LMBR1L: variants seen among roughly 807,000 people sequenced by gnomAD.
LMBR1L encodes limb development membrane protein 1 like.
A neutral mutation model predicts 67.3 loss-of-function variants in LMBR1L; 47 were observed. The observed-to-expected ratio is 0.70, with a 90% CI of 0.55 to 0.89. The LOEUF is 0.89. Ranked by LOEUF, LMBR1L falls within the 40% of genes least tolerant of loss-of-function variation. The pLI is 0.00. For missense variants in LMBR1L, 533 were observed against 599.2 expected, an observed-to-expected ratio of 0.89 and a Z score of 1.15; for synonymous variants, 247 against 250.3, an observed-to-expected ratio of 0.99 and a Z score of 0.13.
chr12:49,101,521 T>C lies in LMBR1L; in HGVS notation c.959A>G (p.His320Arg). 6.2e-7 allele frequency: 1 copy of C among 1,613,886 alleles called. No homozygotes were observed. Among genetic ancestry groups the C allele is most frequent in the Non-Finnish European group, 8.5e-7 (1 of 1,179,906 alleles). The change falls in exon 12 of 17, where the codon CAC becomes CGC. Residue 320 changes from histidine (H) to arginine (R), a missense_variant. Transcript: ENST00000267102. ...TGLSVLIVAI[H>R]ILELLIDEAA... ...CTCATCGATGAGCAGCTCCAGGATG[T>C]GGATGGCCACAATGAGCACAGACAG...
rs998971408 is a variant in LMBR1L at position 49,103,680 on chromosome 12, C to T, written c.562+7G>A. On this transcript the variant is annotated splice_region_variant and intron_variant, in intron 6 of 16. Coordinates refer to ENST00000267102, the MANE Select transcript of LMBR1L (RefSeq NM_018113.4). ...CCATGCAGCCTGGAGGAAGCTGGGC[C>T]GCTCACCATAGAGTGACTCTCTGTT... 6 of 1,609,272 alleles carry T rather than the reference C, an allele frequency of 3.7e-6. No homozygotes were observed. The highest frequency in any genetic ancestry group is 2.2e-5 in the South Asian group (2 of 90,408).
At chr12:49,109,818 T>C (rs1565603938) in intron 1 of LMBR1L, 1 of 445,128 alleles carries the variant, frequency 2.2e-6, no homozygotes, top group Non-Finnish European at 4.5e-6. Flanking sequence ...AGGTACCCTC[T>C]GAAGCCCTGG....
intron 2 of LMBR1L, 133 bp from the exon 3 acceptor site, chr12:49,106,090 G>A: frequency 2.9e-6 from 2 of 698,602 alleles, no homozygotes; most frequent in Non-Finnish European, 2.4e-6. Flanking sequence ...GGAGGCTCCA[G>A]GAGACCACAC....
chr12:49,108,838 A>G (rs961160604), intron 1 of LMBR1L, among the ~76,000 whole-genome samples: 1 of 152,216 alleles, frequency 6.6e-6, no homozygotes, highest in African/African-American at 2.4e-5. Context: ...TGGGTCTTCC[A>G]GTCTCCAGAA....
At chr12:49,106,584 G>A (rs986415092) in intron 2 of LMBR1L, 1 of 1,319,276 alleles carries the variant, frequency 7.6e-7, no homozygotes, top group Non-Finnish European at 1.0e-6. Context: ...GGTCCTGGCT[G>A]TGGAAGCACT....
At position 49,097,995 on chromosome 12, in the gene LMBR1L, G is replaced by A. The variant is rs1939615044; in HGVS notation, c.1351C>T (p.Leu451=). ...AAFAGLTTLC[L]VKTFTAAVRA... ...ACAGCTGCAGTGAAGGTCTTCACCA[G>A]ACAGAGTGTGGTGAGGCCTGCAAAG... The change falls in exon 16 of 17, where the codon CTG becomes TTG. Residue 451 remains leucine, a synonymous_variant. Transcript: ENST00000267102. The A allele has an allele frequency of 6.2e-7, 1 of 1,614,136 alleles. No homozygotes were observed.
In LMBR1L at chr12:49,103,674, C is replaced by T; in HGVS notation, c.562+13G>A. On this transcript the variant is annotated intron_variant, in intron 6 of 16. Coordinates refer to ENST00000267102, the MANE Select transcript of LMBR1L (RefSeq NM_018113.4). Reference sequence around the variant, plus strand: ...GAAAAGCCATGCAGCCTGGAGGAAGCTGGGCCGCTCACCATAGAGTGACTC... The same window carrying T: ...GAAAAGCCATGCAGCCTGGAGGAAGTTGGGCCGCTCACCATAGAGTGACTC... 1.2e-6 allele frequency: 2 copies of T among 1,607,250 alleles called. No individual in the cohort carries two copies. The highest frequency in any genetic ancestry group is 1.7e-6 in the Non-Finnish European group (2 of 1,176,654).
At chr12:49,109,036 T>G (rs1293135049) in intron 1 of LMBR1L, among the ~76,000 whole-genome samples, 1 of 152,084 alleles carries the variant, frequency 6.6e-6, no homozygotes, top group Non-Finnish European at 1.5e-5. Flanking sequence ...TGGGCTTGCG[T>G]AATAGCCAGG....
Position 49,106,798 on chromosome 12 carries a change from C to T in LMBR1L, c.157+163G>A, listed in dbSNP as rs1406918426. 9 of 827,664 alleles carry T rather than the reference C, an allele frequency of 1.1e-5. No homozygotes were observed. The East Asian group carries it at 2.1e-4, about 19-fold the overall frequency. 51.3% of individuals were successfully genotyped at this position (827,664 alleles called of 1,614,324 possible). On this transcript the variant is annotated intron_variant, in intron 2 of 16. Coordinates refer to ENST00000267102, the MANE Select transcript of LMBR1L (RefSeq NM_018113.4). ...TGCCCAGCAGACACATCCATCTAGC[C>T]GCCCTTGCCCCTATCTTGCAGAAAG...
intron 13 of LMBR1L, 92 bp from the exon 14 acceptor site, chr12:49,100,738 T>A (rs553321201): frequency 5.0e-6 from 5 of 996,044 alleles, no homozygotes; most frequent in Non-Finnish European, 7.4e-6. Context: ...ACTTCTTTTT[T>A]TTTTTTTGAG....
Position 49,110,522 on chromosome 12 carries a change from G to C in LMBR1L, c.34C>G (p.Arg12Gly). 6.2e-7 allele frequency: 1 copy of C among 1,614,022 alleles called. No individual in the cohort carries two copies. Among genetic ancestry groups the C allele is most frequent in the Non-Finnish European group, 8.5e-7 (1 of 1,179,958 alleles). The change falls in exon 1 of 17, where the codon CGA (arginine) becomes GGA (glycine). Residue 12 changes from arginine to glycine, a missense_variant. By Grantham distance (125) the Arg-to-Gly change is moderately radical. Transcript: ENST00000267102. Reference sequence around the variant, plus strand: ...ATCCTCTCGTGGAATAGCTGTTCTCGCACGGATAGCACTTCGTAGTCAGGT... The same window carrying C: ...ATCCTCTCGTGGAATAGCTGTTCTCCCACGGATAGCACTTCGTAGTCAGGT... ...EAPDYEVLSV[R>G]EQLFHERIRE...
intron 15 of LMBR1L, 42 bp downstream of exon 15, chr12:49,100,346 C>CA: frequency 6.6e-7 from 1 of 1,525,236 alleles, no homozygotes; most frequent in South Asian, 1.1e-5. Flanking sequence ...AGTAAGTACT[C>CA]AAAAAAATCC....
chr12:49,098,016 C>T lies in LMBR1L; in HGVS notation c.1330G>A (p.Ala444Thr), dbSNP rs1200062104. Residue 444 changes from alanine to threonine, a missense_variant, in exon 16 of 17, where the codon GCA becomes ACA. By Grantham distance (58) the Ala-to-Thr change is moderately conservative. Transcript: ENST00000267102. ...ACCAGACAGAGTGTGGTGAGGCCTG[C>T]AAAGGCTGCGTTGTAGAGGAACACA... ...YIVFLYNAAF[A>T]GLTTLCLVKT... 6.2e-7 allele frequency: 1 copy of T among 1,614,192 alleles called. No individual in the cohort carries two copies.
rs148501287 is a variant in LMBR1L, at chr12:49,097,915, C to G, written c.1402+29G>C. 30 of 1,600,606 alleles carry G rather than the reference C, an allele frequency of 1.9e-5. No homozygotes were observed. In the African/African-American group the frequency reaches 3.3e-4, roughly 18 times the overall value. On this transcript the variant is annotated intron_variant, in intron 16 of 16. Transcript: ENST00000267102. Reference sequence around the variant, plus strand: ...AGTGTCCTAGATGATTACCACCCCCCACTAGCCTGCACCCTCACTCCCTCT... The same window carrying G: ...AGTGTCCTAGATGATTACCACCCCCGACTAGCCTGCACCCTCACTCCCTCT...
chr12:49,100,782 C>A (rs1940065377), intron 13 of LMBR1L, 136 bp from the exon 14 acceptor site: 5 of 685,960 alleles, frequency 7.3e-6, no homozygotes, highest in Non-Finnish European at 5.0e-6. Flanking sequence ...GGCTGGAGTG[C>A]AGTGGTGCGA....
At chr12:49,109,388 ACT>A (rs1941285823) in intron 1 of LMBR1L, among the ~76,000 whole-genome samples, 1 of 151,954 alleles carries the variant, frequency 6.6e-6, no homozygotes, top group African/African-American at 2.4e-5. Context: ...GCACACTTCT[ACT>A]GGAGTTGCAC....
chr12:49,105,314 GCA>G (rs950054196), intron 3 of LMBR1L: 134 of 191,424 alleles, frequency 7.0e-4, no homozygotes, highest in African/African-American at 3.0e-3. Context: ...GCTATGCCCT[GCA>G]CAAAGGCATG....
In LMBR1L at chr12:49,097,617, G is replaced by A; in HGVS notation, c.*55C>T. On this transcript the variant is annotated 3_prime_UTR_variant, in exon 17 of 17. Coordinates refer to ENST00000267102, the MANE Select transcript of LMBR1L (RefSeq NM_018113.4). The stretch of plus-strand genomic sequence containing the variant: ...CAAGTAGCCTTGGGCTTCCCTCCAG[G>A]CCTAGGCAGCAGATGGCAGTGTCCA... 2 of 1,572,414 alleles carry A rather than the reference G, an allele frequency of 1.3e-6. No homozygotes were observed. Among genetic ancestry groups the A allele is most frequent in the Non-Finnish European group, 1.7e-6 (2 of 1,144,902 alleles).
chr12:49,101,712 G>A (rs2120943771), intron 11 of LMBR1L, 163 bp from the exon 12 acceptor site: 1 of 607,204 alleles, frequency 1.6e-6, no homozygotes. Context: ...GCAACAGAGT[G>A]CCTTTGAGGA....
Sources: gnomAD v4.1 joint callset for allele counts (sites outside exome capture counted in the v4.1 genomes callset) on GRCh38, gnomAD v4.1.1 for gene constraint, MANE v1.5 for transcripts, NCBI Gene and HGNC (gene_info 2026-07-23, HGNC 2026-07-21) for gene names.